The following REG4 variants were observed in gnomAD, a reference collection of about 807,000 sequenced individuals.
The protein encoded by REG4 is regenerating family member 4, also known as regenerating islet-derived protein 4.
In REG4, 16 loss-of-function variants were observed where a neutral mutation model predicts 22.3. That is an observed-to-expected ratio of 0.72 (90% CI 0.49 to 1.09). The LOEUF (loss-of-function observed/expected upper bound fraction) is 1.09, where lower values mean the gene tolerates loss of function less well. REG4 is among the 50% of genes least tolerant of loss of function. The pLI is 0.00. For missense variants in REG4, 214 were observed against 193.9 expected (o/e 1.10, Z -0.61); for synonymous variants, 71 against 69.2 (o/e 1.03, Z -0.13).
chr1:119,797,299 C>G (rs1012930299), intron 5 of REG4, among the ~76,000 whole-genome samples: 2 of 152,182 alleles, frequency 1.3e-5, no homozygotes, highest in Non-Finnish European at 2.9e-5. Context: ...CTGCCTTGAA[C>G]AGCAGCAGCT....
chr1:119,799,409 T>TAC lies in REG4; in HGVS notation c.303+314_303+315dup, dbSNP rs58324924. Among the ~76,000 whole-genome samples the TAC allele has an allele frequency of 8.4e-3, 1,268 of 150,322 alleles. 38 individuals carry two copies. Among genetic ancestry groups the TAC allele is most frequent in the Admixed American group, 0.053 (801 of 15,100 alleles). ...CTGTCTCATAATAGGCCTGTGTGCG[T>TAC]ACACACACACACACACACACACACA... On this transcript the variant is annotated intron_variant, in intron 4 of 5. Coordinates refer to ENST00000256585, the MANE Select transcript of REG4 (RefSeq NM_032044.4).
chr1:119,806,499 T>C (rs587612783), intron 2 of REG4, among the ~76,000 whole-genome samples: 1 of 152,334 alleles, frequency 6.6e-6, no homozygotes, highest in South Asian at 2.1e-4. Context: ...CTTTAAATCC[T>C]ACATGGGTCA....
Position 119,794,213 on chromosome 1 carries a change from G to A in REG4, c.*405C>T. 1.9e-6 allele frequency: 1 copy of A among 538,122 alleles called. No individual in the cohort carries two copies. Among genetic ancestry groups the A allele is most frequent in the Non-Finnish European group, 3.8e-6 (1 of 263,244 alleles). 33.3% of individuals were successfully genotyped at this position (538,122 alleles called of 1,614,324 possible). On this transcript the variant is annotated 3_prime_UTR_variant, in exon 6 of 6. Coordinates refer to ENST00000256585, the MANE Select transcript of REG4 (RefSeq NM_032044.4). ...GTTGAGTGGCTGGGGTGGGGTGCAG[G>A]CAATGGAGAGAGGGCAGAAGGGTGT... is the stretch of plus-strand genomic sequence containing the variant.
Position 119,799,845 on chromosome 1 carries a change from G to C in REG4, c.183C>G (p.Tyr61Ter). 6.2e-7 allele frequency: 1 copy of C among 1,614,072 alleles called. No homozygotes were observed. Among genetic ancestry groups the C allele is most frequent in the Non-Finnish European group, 8.5e-7 (1 of 1,180,016 alleles). The change falls in exon 4 of 6, where the codon TAC becomes TAG. Residue 61 changes from tyrosine to a stop codon, truncating the protein, a stop_gained. Transcript: ENST00000256585. LOFTEE classifies it high-confidence loss of function. ...WSDAELECQSYGNGAHLASIL... is the reference protein window; with the variant it reads ...WSDAELECQS ...TAGATGCCAGGTGGGCTCCGTTTCCGTAAGACTGACACTCGAGCTATGTAC... is the reference window on the plus strand; with the variant it reads ...TAGATGCCAGGTGGGCTCCGTTTCCCTAAGACTGACACTCGAGCTATGTAC...
intron 3 of REG4, among the ~76,000 whole-genome samples, chr1:119,800,858 T>C (rs1394412997): frequency 1.3e-5 from 2 of 152,170 alleles, no homozygotes; most frequent in Non-Finnish European, 2.9e-5. Context: ...TGGTTGGATT[T>C]TGGGGGTTTC....
rs1242343570 is a variant in REG4 at position 119,794,272 on chromosome 1, GT to G, written c.*345del. On this transcript the variant is annotated 3_prime_UTR_variant, in exon 6 of 6. Coordinates refer to ENST00000256585, the MANE Select transcript of REG4 (RefSeq NM_032044.4). ...AAGGGGTCTAGAAGCTTACTCCTGAGTTTCTTCCTTCTGTCTTCAAATCTTT... is the reference window on the plus strand; with the variant it reads ...AAGGGGTCTAGAAGCTTACTCCTGAGTTCTTCCTTCTGTCTTCAAATCTTT... 1 of 556,692 alleles carries G rather than the reference GT, an allele frequency of 1.8e-6. No individual in the cohort carries two copies. The highest frequency in any genetic ancestry group is 3.6e-6 in the Non-Finnish European group (1 of 276,922). The allele number at this position is 556,692 out of a possible 1,614,324, so 34.5% of individuals were successfully genotyped here.
chr1:119,806,017 G>A (rs990063239), intron 2 of REG4, among the ~76,000 whole-genome samples: 4 of 152,138 alleles, frequency 2.6e-5, no homozygotes, highest in East Asian at 1.9e-4. Flanking sequence ...CTGCAGCCTC[G>A]ACTTCCCGGG....
At chr1:119,799,892 T>C (rs1318113270) in intron 3 of REG4, 30 bp from the exon 4 acceptor site, 3 of 1,612,006 alleles carry the variant, frequency 1.9e-6, no homozygotes, top group East Asian at 2.2e-5. Context: ...CTGTTAATTA[T>C]GCCTGCATGT....
At chr1:119,802,702 C>T in intron 3 of REG4, 18 of 1,425,044 alleles carry the variant, frequency 1.3e-5, no homozygotes, top group Non-Finnish European at 1.6e-5. Flanking sequence ...CACTCTCTTT[C>T]TGGTAAATCT....
At chr1:119,799,910 A>G in intron 3 of REG4, 48 bp from the exon 4 acceptor site, 4 of 1,607,456 alleles carry the variant, frequency 2.5e-6, no homozygotes, top group Non-Finnish European at 2.6e-6. Context: ...TGTTTAAAGC[A>G]CAGCCCTCCC....
intron 1 of REG4, among the ~76,000 whole-genome samples, chr1:119,810,331 A>G (rs974507558): frequency 2.0e-5 from 3 of 152,234 alleles, no homozygotes; most frequent in African/African-American, 4.8e-5. Context: ...GAGTTAATTC[A>G]TTGAATTCAC....
chr1:119,801,070 A>T (rs587701953), intron 3 of REG4: 1 of 152,202 alleles, frequency 6.6e-6, no homozygotes, highest in African/African-American at 2.4e-5. Context: ...AATGGTAATC[A>T]CTCACTGTTT....
At position 119,804,790 on chromosome 1, in the gene REG4, T is replaced by C. The variant is rs587643971; in HGVS notation, c.68-1625A>G. On this transcript the variant is annotated intron_variant, in intron 2 of 5. Transcript: ENST00000256585. ...GGTCTCTTTTGTCTCTGTGTTTCTG[T>C]GTGTCCCTCCTTGTCTGTGACTGTT... 2.0e-5 allele frequency among the ~76,000 whole-genome samples: 3 copies of C among 152,316 alleles called. No homozygotes were observed. In the East Asian group the frequency reaches 5.8e-4, roughly 29 times the overall value.
At chr1:119,804,057 A>G (rs1415085321) in intron 2 of REG4, among the ~76,000 whole-genome samples, 1 of 152,124 alleles carries the variant, frequency 6.6e-6, no homozygotes, top group Non-Finnish European at 1.5e-5. Flanking sequence ...GTTTATAAAG[A>G]GGGGGAGATG....
chr1:119,801,749 G>A (rs1480008038), intron 3 of REG4: 1 of 152,344 alleles, frequency 6.6e-6, no homozygotes, highest in Non-Finnish European at 1.5e-5. Context: ...TGTTGGGTTT[G>A]AGGGGTCCTC....
chr1:119,800,664 A>C (rs2101068947), intron 3 of REG4, among the ~76,000 whole-genome samples: 1 of 152,320 alleles, frequency 6.6e-6, no homozygotes, highest in South Asian at 2.1e-4. Flanking sequence ...TGTAAATTGT[A>C]AACAGTGGTC....
intron 4 of REG4, among the ~76,000 whole-genome samples, chr1:119,799,343 T>C: frequency 6.6e-6 from 1 of 151,320 alleles, no homozygotes; most frequent in East Asian, 1.9e-4. Flanking sequence ...TAGCTGAAAG[T>C]TTTCAACTTT....
At position 119,798,513 on chromosome 1, in the gene REG4, C is replaced by A. The variant is rs755543630; in HGVS notation, c.393G>T (p.Glu131Asp). The change falls in exon 5 of 6, where the codon GAG becomes GAT. Residue 131 changes from glutamate to aspartate, a missense_variant. Coordinates refer to ENST00000256585, the MANE Select transcript of REG4 (RefSeq NM_032044.4). ...ATAACTTACTGTTATTGGAGCTCATCTCAGCACAGTGCTTGTTCCCACCCA... is the reference window on the plus strand; with the variant it reads ...ATAACTTACTGTTATTGGAGCTCATATCAGCACAGTGCTTGTTCCCACCCA... Reference protein sequence around the residue: ...KSMGGNKHCAEMSSNNNFLTW... With the variant: ...KSMGGNKHCADMSSNNNFLTW... The A allele has an allele frequency of 6.2e-7, 1 of 1,614,008 alleles. No homozygotes were observed. The highest frequency in any genetic ancestry group is 1.7e-5 in the Admixed American group (1 of 60,022).
rs587732581 is a variant in REG4, at chr1:119,809,073, G to T, written c.-94-210C>A. On this transcript the variant is annotated intron_variant, in intron 1 of 5. Transcript: ENST00000256585. ...AGTGCCAGAGATCTAACTATAGCAG[G>T]CTGAACAGTTTCATAGTCTGCATGG... is the stretch of plus-strand genomic sequence containing the variant. 6 of 276,864 alleles carry T rather than the reference G, an allele frequency of 2.2e-5. No homozygotes were observed. The South Asian group carries it at 3.8e-4, about 17-fold the overall frequency. 17.2% of individuals were successfully genotyped at this position (276,864 alleles called of 1,614,324 possible).
Sources: gnomAD v4.1 joint callset for allele counts (sites outside exome capture counted in the v4.1 genomes callset) on GRCh38, gnomAD v4.1.1 for gene constraint, MANE v1.5 for transcripts, NCBI Gene and HGNC (gene_info 2026-07-23, HGNC 2026-07-21) for gene names.